DOK6: variants seen among roughly 807,000 people sequenced by gnomAD.
DOK6 encodes downstream of tyrosine kinase 6.
In DOK6, 22 loss-of-function variants were observed where a neutral mutation model predicts 44.0. The observed-to-expected ratio is 0.50, with a 90% confidence interval of 0.36 to 0.71. The LOEUF (loss-of-function observed/expected upper bound fraction) is 0.71, where lower values mean the gene tolerates loss of function less well. DOK6 is among the 30% of genes least tolerant of loss of function. The pLI is 0.00. For synonymous variants in DOK6, 166 were observed against 145.5 expected, an observed-to-expected ratio of 1.14 and a Z score of -1.01; for missense variants, 340 against 416.4, an observed-to-expected ratio of 0.82 and a Z score of 1.60.
intron 1 of DOK6, among the ~76,000 whole-genome samples, chr18:69,456,314 C>T (rs1054819167): frequency 1.3e-4 from 20 of 152,102 alleles, no homozygotes; most frequent in African/African-American, 4.6e-4. Context: ...GCATCACTCC[C>T]TTTCCCCTCT....
intron 7 of DOK6, among the ~76,000 whole-genome samples, chr18:69,803,752 G>A (rs1016357579): frequency 2.0e-5 from 3 of 152,002 alleles, no homozygotes; most frequent in East Asian, 1.9e-4. Context: ...CCAGCTACTC[G>A]GGAGGCTGAG....
chr18:69,700,216 C>CATACATATATATATATATATAT (rs1555724860), intron 5 of DOK6, among the ~76,000 whole-genome samples: 1 of 124,762 alleles, frequency 8.0e-6, no homozygotes, highest in Non-Finnish European at 1.7e-5. Flanking sequence ...CATATATATA[C>CATACATATATATATATATATAT]ATATATATAT....
intron 2 of DOK6, among the ~76,000 whole-genome samples, chr18:69,579,946 C>G (rs1983328061): frequency 6.6e-6 from 1 of 152,126 alleles, no homozygotes; most frequent in African/African-American, 2.4e-5. Flanking sequence ...TTTAATGTTT[C>G]ATTGCAGTTC....
intron 1 of DOK6, among the ~76,000 whole-genome samples, chr18:69,419,107 C>T (rs564927218): frequency 6.6e-6 from 1 of 152,238 alleles, no homozygotes; most frequent in East Asian, 1.9e-4. Context: ...TAAAAACAAA[C>T]AGCAGTGCAA....
intron 1 of DOK6, among the ~76,000 whole-genome samples, chr18:69,477,995 T>TAACA (rs2036554242): frequency 6.6e-6 from 1 of 152,182 alleles, no homozygotes; most frequent in Non-Finnish European, 1.5e-5. Flanking sequence ...CGTTAACAAA[T>TAACA]GGTAAGGAAA....
At chr18:69,446,051 CTAAT>C (rs141097147) in intron 1 of DOK6, among the ~76,000 whole-genome samples, 44,443 of 151,062 alleles carry the variant, frequency 0.29, 7,116 homozygotes, top group East Asian at 0.43. Flanking sequence ...TTTTTATTTC[CTAAT>C]TAATTAATTA....
At chr18:69,482,840 A>G (rs1300372852) in intron 1 of DOK6, among the ~76,000 whole-genome samples, 2 of 151,966 alleles carry the variant, frequency 1.3e-5, no homozygotes, top group African/African-American at 4.8e-5. Context: ...GAACCTCTGC[A>G]GTAATTTACT....
At chr18:69,710,023 C>CA (rs543437286) in intron 5 of DOK6, among the ~76,000 whole-genome samples, 1 of 151,994 alleles carries the variant, frequency 6.6e-6, no homozygotes, top group Non-Finnish European at 1.5e-5. Flanking sequence ...ACTAAAAATA[C>CA]AAAAAATTGG....
intron 3 of DOK6, among the ~76,000 whole-genome samples, chr18:69,625,438 T>C (rs1223662672): frequency 6.6e-6 from 1 of 152,192 alleles, no homozygotes; most frequent in Non-Finnish European, 1.5e-5. Context: ...TATGTTTTAC[T>C]GTAGCCCATA....
At chr18:69,427,240 A>G (rs569816209) in intron 1 of DOK6, among the ~76,000 whole-genome samples, 121 of 152,226 alleles carry the variant, frequency 7.9e-4, no homozygotes, top group Non-Finnish European at 1.3e-3. Context: ...CAAAGGTCTA[A>G]TATCCAGCAC....
chr18:69,685,091 A>C lies in DOK6; in HGVS notation c.409+7238A>C, dbSNP rs572687178. ...ATTGAACTTTGAATAACAACAACAA[A>C]AAAATGGGTTAAGTGAGTCCTCATT... On this transcript the variant is annotated intron_variant, in intron 4 of 7. Transcript: ENST00000382713. 4.6e-5 allele frequency among the ~76,000 whole-genome samples: 7 copies of C among 152,316 alleles called. No individual in the cohort carries two copies. The South Asian group carries it at 1.5e-3, about 32-fold the overall frequency.
chr18:69,819,343 T>C (rs1258675792), intron 7 of DOK6, among the ~76,000 whole-genome samples: 2 of 152,172 alleles, frequency 1.3e-5, no homozygotes, highest in Admixed American at 6.6e-5. Context: ...CCAAAATGTT[T>C]TGCTGCTCAT....
rs1982225239 is a variant in DOK6, at chr18:69,841,656, G to A, written c.*273G>A. 1.1e-5 allele frequency: 4 copies of A among 367,590 alleles called. No homozygotes were observed. The Admixed American group carries it at 1.2e-4, about 11-fold the overall frequency. 22.8% of individuals were successfully genotyped at this position (367,590 alleles called of 1,614,324 possible). On this transcript the variant is annotated 3_prime_UTR_variant, in exon 8 of 8. Coordinates refer to ENST00000382713, the MANE Select transcript of DOK6 (RefSeq NM_152721.6). Reference sequence around the variant, plus strand: ...TTATTTAAATAAACAAAATTCTTTGGGTCTGACAGTAACAGAAACCTCAGC... The same window carrying A: ...TTATTTAAATAAACAAAATTCTTTGAGTCTGACAGTAACAGAAACCTCAGC...
chr18:69,744,163 T>G (rs182795587), intron 6 of DOK6, among the ~76,000 whole-genome samples: 1 of 151,966 alleles, frequency 6.6e-6, no homozygotes, highest in East Asian at 1.9e-4. Context: ...ATACAAAAAT[T>G]AGCTGGTGTG....
chr18:69,709,521 C>A (rs1215666436), intron 5 of DOK6, among the ~76,000 whole-genome samples: 1 of 151,902 alleles, frequency 6.6e-6, no homozygotes, highest in African/African-American at 2.4e-5. Context: ...ATTATAGTTG[C>A]CCTTGTATTT....
intron 7 of DOK6, among the ~76,000 whole-genome samples, chr18:69,830,323 A>G (rs971718005): frequency 6.6e-6 from 1 of 152,210 alleles, no homozygotes. Context: ...CTAAACCCAC[A>G]TACAACTGTA....
chr18:69,641,521 A>G (rs1984941926), intron 3 of DOK6, among the ~76,000 whole-genome samples: 1 of 152,202 alleles, frequency 6.6e-6, no homozygotes, highest in African/African-American at 2.4e-5. Context: ...TTACATTTTT[A>G]AAGAAGCAGA....
intron 1 of DOK6, among the ~76,000 whole-genome samples, chr18:69,540,395 T>G (rs977461247): frequency 2.0e-4 from 31 of 152,230 alleles, no homozygotes; most frequent in Non-Finnish European, 4.6e-4. Context: ...TTCTGAGTTT[T>G]ACTGGCTATT....
At chr18:69,647,108 A>ATCCTATCTG (rs1985100821) in intron 3 of DOK6, among the ~76,000 whole-genome samples, 1 of 125,054 alleles carries the variant, frequency 8.0e-6, no homozygotes, top group Non-Finnish European at 1.9e-5. Context: ...CTATCTGTCT[A>ATCCTATCTG]TCTATCCTAT....
Sources: gnomAD v4.1 joint callset for allele counts (sites outside exome capture counted in the v4.1 genomes callset) on GRCh38, gnomAD v4.1.1 for gene constraint, MANE v1.5 for transcripts, NCBI Gene and HGNC (gene_info 2026-07-23, HGNC 2026-07-21) for gene names.